Variants in FOXP1 observed in about 807,000 individuals in gnomAD.
FOXP1 encodes forkhead box protein P1.
In FOXP1, 15 loss-of-function variants were observed where a neutral mutation model predicts 98.2. The observed-to-expected ratio is 0.15, with a 90% CI of 0.10 to 0.24. The LOEUF (loss-of-function observed/expected upper bound fraction) is 0.24, where lower values mean the gene tolerates loss of function less well. Ranked by LOEUF, FOXP1 falls within the 10% of genes least tolerant of loss-of-function variation. FOXP1 has a pLI of 1.00. For missense variants in FOXP1, 633 were observed against 848.5 expected (o/e 0.75, Z 3.15); for synonymous variants, 371 against 314.5 (o/e 1.18, Z -1.90).
At chr3:71,427,529 G>T (rs2084274792) in intron 3 of FOXP1, among the ~76,000 whole-genome samples, 1 of 152,244 alleles carries the variant, frequency 6.6e-6, no homozygotes, top group Non-Finnish European at 1.5e-5. Context: ...TGAAAAAAAG[G>T]AGCTACTGAA....
intron 7 of FOXP1, among the ~76,000 whole-genome samples, chr3:71,089,144 C>A (rs1157851088): frequency 6.6e-6 from 1 of 152,208 alleles, no homozygotes; most frequent in African/African-American, 2.4e-5. Context: ...GTATTCATGC[C>A]TTGGATAGTA....
In FOXP1 at chr3:71,262,181, G is replaced by A. The variant is rs572138415; in HGVS notation, c.-12+37639C>T. ...CTCGGGAGGCTGAGGCAGGAGAATT[G>A]CTTGAACCCAGGAGGTGGAGGTTGC... On this transcript the variant is annotated intron_variant, in intron 5 of 20. Transcript: ENST00000649528. Among the ~76,000 whole-genome samples the A allele has an allele frequency of 4.1e-4, 56 of 137,962 alleles. No individual in the cohort carries two copies. The South Asian group carries it at 4.9e-3, about 12-fold the overall frequency. 90.5% of individuals were successfully genotyped at this position (137,962 alleles called of 152,430 possible).
chr3:71,297,902 T>C (rs1470065722), intron 5 of FOXP1, among the ~76,000 whole-genome samples: 1 of 152,096 alleles, frequency 6.6e-6, no homozygotes, highest in Non-Finnish European at 1.5e-5. Flanking sequence ...CCACCATGCC[T>C]GGCCTGTTTA....
At chr3:71,196,386 T>C (rs368618273) in intron 6 of FOXP1, among the ~76,000 whole-genome samples, 2 of 152,224 alleles carry the variant, frequency 1.3e-5, no homozygotes, top group Non-Finnish European at 2.9e-5. Context: ...GGCGCATGTG[T>C]GTGTGCACAT....
intron 3 of FOXP1, among the ~76,000 whole-genome samples, chr3:71,414,089 A>C (rs1160827055): frequency 6.6e-6 from 1 of 150,412 alleles, no homozygotes; most frequent in Non-Finnish European, 1.5e-5. Context: ...AAGGCAAAGA[A>C]AAGCCACCGA....
intron 3 of FOXP1, among the ~76,000 whole-genome samples, chr3:71,389,211 G>A: frequency 7.9e-6 from 1 of 127,162 alleles, no homozygotes; most frequent in Middle Eastern, 5.1e-3. Flanking sequence ...AATCAATTAG[G>A]ACTCCATATG....
At chr3:71,368,686 C>A (rs1399608188) in intron 3 of FOXP1, among the ~76,000 whole-genome samples, 1 of 152,164 alleles carries the variant, frequency 6.6e-6, no homozygotes, top group African/African-American at 2.4e-5. Flanking sequence ...ATTTCCAATT[C>A]CAATCCCAAT....
intron 5 of FOXP1, among the ~76,000 whole-genome samples, chr3:71,227,868 G>C (rs2065965032): frequency 6.6e-6 from 1 of 152,106 alleles, no homozygotes; most frequent in South Asian, 2.1e-4. Context: ...TGCCTTCTGG[G>C]CTAGTCCAAA....
intron 2 of FOXP1, among the ~76,000 whole-genome samples, chr3:71,510,015 C>G (rs1354077502): frequency 6.6e-6 from 1 of 152,022 alleles, no homozygotes; most frequent in African/African-American, 2.4e-5. Flanking sequence ...CCCATCTCTA[C>G]TAAAAATACA....
intron 2 of FOXP1, among the ~76,000 whole-genome samples, chr3:71,495,319 T>C (rs1284193269): frequency 6.6e-6 from 1 of 152,242 alleles, no homozygotes. Flanking sequence ...AATTATATCA[T>C]CCTATGTGCT....
intron 2 of FOXP1, among the ~76,000 whole-genome samples, chr3:71,528,825 G>C (rs893282100): frequency 6.6e-6 from 1 of 152,196 alleles, no homozygotes; most frequent in African/African-American, 2.4e-5. Flanking sequence ...TGGCCTGAAG[G>C]TGGGGGTTAG....
In FOXP1 at chr3:71,120,693, G is replaced by A. The variant is rs148358091; in HGVS notation, c.181-8056C>T. Among the ~76,000 whole-genome samples, 4 of 152,264 alleles carry A rather than the reference G, an allele frequency of 2.6e-5. No homozygotes were observed. In the South Asian group the frequency reaches 6.2e-4, roughly 24 times the overall value. ...GGGTCATGGGCAGTGTCATCTCTGC[G>A]TGGGGACGGTGGGGAAGAGGTAAAG... is the stretch of plus-strand genomic sequence containing the variant. On this transcript the variant is annotated intron_variant, in intron 6 of 20. Transcript: ENST00000649528.
intron 3 of FOXP1, among the ~76,000 whole-genome samples, chr3:71,449,713 G>A (rs2086761272): frequency 6.6e-6 from 1 of 152,196 alleles, no homozygotes; most frequent in Admixed American, 6.5e-5. Flanking sequence ...AGAAAGGGGT[G>A]CAATGTAAAA....
At chr3:71,086,454 T>C (rs956825440) in intron 7 of FOXP1, among the ~76,000 whole-genome samples, 1 of 152,206 alleles carries the variant, frequency 6.6e-6, no homozygotes, top group Non-Finnish European at 1.5e-5. Context: ...TATTATGCAA[T>C]GTACCGGGGG....
chr3:71,222,110 G>A (rs561136087), intron 5 of FOXP1, among the ~76,000 whole-genome samples: 3 of 152,064 alleles, frequency 2.0e-5, no homozygotes, highest in Non-Finnish European at 4.4e-5. Flanking sequence ...CCGAGATTGC[G>A]ACACTGCACT....
chr3:71,333,606 T>G (rs986816261), intron 4 of FOXP1: 1 of 152,174 alleles, frequency 6.6e-6, no homozygotes, highest in Non-Finnish European at 1.5e-5. Context: ...GAGGATCACT[T>G]GCACTCACGA....
intron 6 of FOXP1, among the ~76,000 whole-genome samples, chr3:71,172,923 G>A (rs2061721648): frequency 6.6e-6 from 1 of 152,204 alleles, no homozygotes; most frequent in Non-Finnish European, 1.5e-5. Flanking sequence ...GATAGGAGAA[G>A]CAACATACAG....
intron 6 of FOXP1, among the ~76,000 whole-genome samples, chr3:71,179,677 G>A (rs909746362): frequency 6.6e-6 from 1 of 152,138 alleles, no homozygotes; most frequent in Non-Finnish European, 1.5e-5. Context: ...TATAATGTTC[G>A]ATGGTGGCAA....
At chr3:71,320,953 C>G (rs538293173) in intron 4 of FOXP1, among the ~76,000 whole-genome samples, 5 of 152,078 alleles carry the variant, frequency 3.3e-5, no homozygotes, top group Non-Finnish European at 5.9e-5. Context: ...CTTCCGTTCC[C>G]TTGAAGTAAA....
Sources: gnomAD v4.1 joint callset for allele counts (sites outside exome capture counted in the v4.1 genomes callset) on GRCh38, gnomAD v4.1.1 for gene constraint, MANE v1.5 for transcripts, NCBI Gene and HGNC (gene_info 2026-07-23, HGNC 2026-07-21) for gene names.